Variants in UBR2 observed in about 807,000 individuals in gnomAD.
UBR2 encodes ubiquitin protein ligase E3 component n-recognin 2.
A neutral mutation model predicts 247.9 loss-of-function variants in UBR2; 92 were observed. The ratio of observed to expected loss-of-function variants is 0.37; its 90% CI spans 0.31 to 0.44. The LOEUF (loss-of-function observed/expected upper bound fraction) is 0.44, where lower values mean the gene tolerates loss of function less well. Ranked by LOEUF, UBR2 falls within the 20% of genes least tolerant of loss-of-function variation. The pLI, the probability that UBR2 is intolerant of heterozygous loss-of-function variation, is 1.00. For missense variants in UBR2, 1,613 were observed against 2,112.6 expected (o/e 0.76, Z 4.64); for synonymous variants, 672 against 693.5 (o/e 0.97, Z 0.49).
chr6:42,634,333 C>T (rs766946603), intron 13 of UBR2: 36 of 367,846 alleles, frequency 9.8e-5, no homozygotes, highest in East Asian at 7.7e-4. Context: ...AGATAGGTGA[C>T]GTCTCTAAAA....
chr6:42,615,958 T>C, intron 9 of UBR2, 44 bp from the exon 10 acceptor site: 1 of 1,353,040 alleles, frequency 7.4e-7, no homozygotes, highest in South Asian at 1.5e-5. Context: ...GAAATGTAAT[T>C]GTTGGGCGTG....
chr6:42,641,168 A>T (rs1254118044), intron 16 of UBR2, among the ~76,000 whole-genome samples: 1 of 152,200 alleles, frequency 6.6e-6, no homozygotes, highest in African/African-American at 2.4e-5. Flanking sequence ...TCTTAAAATA[A>T]TTAAAATAAA....
chr6:42,593,200 C>T (rs562144385), intron 3 of UBR2, among the ~76,000 whole-genome samples: 13 of 152,070 alleles, frequency 8.5e-5, no homozygotes, highest in Admixed American at 2.6e-4. Context: ...ATAATAAAAA[C>T]CCAGCTACAA....
At chr6:42,637,588 G>A (rs1796178689) in intron 15 of UBR2, among the ~76,000 whole-genome samples, 1 of 152,180 alleles carries the variant, frequency 6.6e-6, no homozygotes, top group African/African-American at 2.4e-5. Flanking sequence ...TGTCACTTAA[G>A]CAATTGCTAA....
intron 34 of UBR2, among the ~76,000 whole-genome samples, chr6:42,667,704 AT>A (rs528646455): frequency 2.5e-3 from 177 of 70,342 alleles, no homozygotes; most frequent in African/African-American, 5.4e-3. Context: ...TTTTCTATGT[AT>A]TTTTTTTTTT....
chr6:42,641,911 C>T (rs1188417947), intron 17 of UBR2, among the ~76,000 whole-genome samples: 1 of 152,076 alleles, frequency 6.6e-6, no homozygotes, highest in Non-Finnish European at 1.5e-5. Context: ...ATGACTTTTA[C>T]TTGAAATAAT....
rs1212131276 is a variant in UBR2 at position 42,564,355 on chromosome 6, C to A, written c.36C>A (p.Ile12=). 6.2e-7 allele frequency: 1 copy of A among 1,612,178 alleles called. No homozygotes were observed. The highest frequency in any genetic ancestry group is 1.7e-5 in the Admixed American group (1 of 59,724). The change falls in exon 1 of 47, where the codon ATC becomes ATA. Residue 12 remains isoleucine (I), a synonymous_variant. Transcript: ENST00000372901. ...AGCTAGAGCCAGAGGTGCAGGCCATCGACCGGAGCTTGCTGGAATGTTCGG... is the reference window on the plus strand; with the variant it reads ...AGCTAGAGCCAGAGGTGCAGGCCATAGACCGGAGCTTGCTGGAATGTTCGG... ...ASELEPEVQA[I]DRSLLECSAE...
intron 4 of UBR2, among the ~76,000 whole-genome samples, chr6:42,598,003 A>G (rs9369370): frequency 0.44 from 66,698 of 152,044 alleles, 14,677 homozygotes; most frequent in African/African-American, 0.48. Flanking sequence ...ACTGTTGAAC[A>G]TAATTTTTTT....
chr6:42,652,403 T>G (rs781251612), intron 24 of UBR2, 88 bp from the exon 25 acceptor site: 32 of 1,407,836 alleles, frequency 2.3e-5, no homozygotes, highest in Non-Finnish European at 3.1e-5. Context: ...ATGAATATTC[T>G]TTGAGTTAAA....
At chr6:42,667,724 A>G (rs745436330) in intron 34 of UBR2, among the ~76,000 whole-genome samples, 1 of 115,094 alleles carries the variant, frequency 8.7e-6, no homozygotes, top group Non-Finnish European at 1.8e-5. Flanking sequence ...TTTTTTCTGA[A>G]TGGTGCAGTA....
intron 26 of UBR2, among the ~76,000 whole-genome samples, chr6:42,657,138 G>A (rs550195025): frequency 6.6e-6 from 1 of 151,604 alleles, no homozygotes; most frequent in Admixed American, 6.6e-5. Flanking sequence ...GGGAGGCTGA[G>A]GCAGGAAAAT....
chr6:42,679,982 GTTTGT>G (rs530662573), intron 42 of UBR2, 150 bp downstream of exon 42: 432 of 593,904 alleles, frequency 7.3e-4, no homozygotes, highest in East Asian at 6.4e-3. Context: ...TTTTGTTGTT[GTTTGT>G]TTTGTTTTGT....
intron 23 of UBR2, 69 bp from the exon 24 acceptor site, chr6:42,651,954 A>G (rs1797142026): frequency 6.2e-6 from 9 of 1,453,776 alleles, no homozygotes; most frequent in Non-Finnish European, 8.4e-6. Flanking sequence ...TACTAAAAAT[A>G]TAAAAATTAA....
In UBR2 at chr6:42,693,284, T is replaced by C. The variant is rs1162196146; in HGVS notation, c.*2111T>C. ...TTTTCTGGTGTTAAGCTAGTTGTCT[T>C]TCCTACCTTACAAATCATGTTAGTT... is the stretch of plus-strand genomic sequence containing the variant. On this transcript the variant is annotated 3_prime_UTR_variant, in exon 47 of 47. Transcript: ENST00000372901. 1.3e-5 allele frequency: 2 copies of C among 152,210 alleles called. No individual in the cohort carries two copies. Among genetic ancestry groups the C allele is most frequent in the East Asian group, 3.8e-4 (2 of 5,208 alleles). 9.4% of individuals were successfully genotyped at this position (152,210 alleles called of 1,614,324 possible). A position where few individuals can be genotyped will look rare whatever the true frequency, so the allele number is the denominator to read the frequency against.
Position 42,692,969 on chromosome 6 carries a change from T to C in UBR2, c.*1796T>C, listed in dbSNP as rs1799821169. 6.6e-6 allele frequency: 1 copy of C among 152,228 alleles called. No homozygotes were observed. The highest frequency in any genetic ancestry group is 1.5e-5 in the Non-Finnish European group (1 of 68,044). The allele number at this position is 152,228 out of a possible 1,614,324, so 9.4% of individuals were successfully genotyped here. On this transcript the variant is annotated 3_prime_UTR_variant, in exon 47 of 47. Transcript: ENST00000372901. ...GGGCTGTAGGTGGCATAATTCATGT[T>C]TATTTTGGCCTCTGTCACATCCAGT...
intron 1 of UBR2, among the ~76,000 whole-genome samples, chr6:42,565,230 AT>A (rs1790709486): frequency 1.3e-5 from 2 of 152,226 alleles, no homozygotes; most frequent in Non-Finnish European, 2.9e-5. Context: ...GCTAGTGTAA[AT>A]AGCAGAGTTG....
chr6:42,600,857 G>C (rs866011896), intron 4 of UBR2, among the ~76,000 whole-genome samples: 11 of 151,874 alleles, frequency 7.2e-5, no homozygotes, highest in South Asian at 6.3e-4. Flanking sequence ...AGGTCTCACT[G>C]TATTGCCCAG....
At chr6:42,635,217 A>G (rs1796012912) in intron 13 of UBR2, among the ~76,000 whole-genome samples, 1 of 152,184 alleles carries the variant, frequency 6.6e-6, no homozygotes. Context: ...GGGATTTCTA[A>G]ATTTATATTT....
rs866105306 is a variant in UBR2 at position 42,686,764 on chromosome 6, G to A, written c.4854-1452G>A. On this transcript the variant is annotated intron_variant, in intron 44 of 46. Coordinates refer to ENST00000372901, the MANE Select transcript of UBR2 (RefSeq NM_001363705.2). ...GGGTAGGGGCTGCCCCCCACCTCCC[G>A]GACTGGGCGGCTGCTGGGCGGAGAC... 2.9e-3 allele frequency among the ~76,000 whole-genome samples: 435 copies of A among 150,882 alleles called. 2 individuals are homozygous for A. Among genetic ancestry groups the A allele is most frequent in the African/African-American group, 1.0e-2 (408 of 40,998 alleles).
Sources: gnomAD v4.1 joint callset for allele counts (sites outside exome capture counted in the v4.1 genomes callset) on GRCh38, gnomAD v4.1.1 for gene constraint, MANE v1.5 for transcripts, NCBI Gene and HGNC (gene_info 2026-07-23, HGNC 2026-07-21) for gene names.